PTPRJ: variants seen among roughly 807,000 people sequenced by gnomAD.
PTPRJ encodes receptor-type tyrosine-protein phosphatase eta.
A neutral mutation model predicts 141.3 loss-of-function variants in PTPRJ; 129 were observed. The ratio of observed to expected loss-of-function variants is 0.91; its 90% CI spans 0.79 to 1.06. The LOEUF is 1.06. Among genes scored for constraint, PTPRJ ranks in the 50% least tolerant of loss-of-function variants. PTPRJ has a pLI of 0.00. For synonymous variants in PTPRJ, 610 were observed against 640.5 expected (o/e 0.95, Z 0.72); for missense variants, 1,601 against 1,679.7 (o/e 0.95, Z 0.82).
chr11:48,061,547 T>C (rs1431622006), intron 1 of PTPRJ, among the ~76,000 whole-genome samples: 1 of 152,174 alleles, frequency 6.6e-6, no homozygotes, highest in Non-Finnish European at 1.5e-5. Flanking sequence ...TGATCTCTGT[T>C]CGGTGGATGA....
intron 1 of PTPRJ, among the ~76,000 whole-genome samples, chr11:48,035,690 G>C (rs1418591905): frequency 1.3e-5 from 2 of 151,868 alleles, no homozygotes; most frequent in Admixed American, 6.6e-5. Flanking sequence ...GGGCACCATT[G>C]TGTCATATTG....
intron 1 of PTPRJ, among the ~76,000 whole-genome samples, chr11:48,029,698 T>C (rs1426380055): frequency 6.6e-6 from 1 of 152,016 alleles, no homozygotes; most frequent in African/African-American, 2.4e-5. Flanking sequence ...TTTGTAATTA[T>C]AGTAAAAGCA....
At chr11:48,128,948 T>G in intron 7 of PTPRJ, among the ~76,000 whole-genome samples, 1 of 152,236 alleles carries the variant, frequency 6.6e-6, no homozygotes, top group East Asian at 1.9e-4. Context: ...TTTACTCTTT[T>G]ACTATTTATT....
chr11:47,990,078 A>G (rs1398195644), intron 1 of PTPRJ, among the ~76,000 whole-genome samples: 4 of 152,214 alleles, frequency 2.6e-5, no homozygotes, highest in Non-Finnish European at 5.9e-5. Context: ...CTGAAGAGTT[A>G]CATCAGAAGA....
intron 21 of PTPRJ, 138 bp downstream of exon 21, chr11:48,156,257 G>C: frequency 1.4e-6 from 1 of 716,326 alleles, no homozygotes; most frequent in Non-Finnish European, 2.2e-6. Flanking sequence ...CTTGTTTTCT[G>C]TCTTTTTTTC....
At position 48,121,041 on chromosome 11, in the gene PTPRJ, A is replaced by G. The variant is rs1207490200; in HGVS notation, c.391A>G (p.Ser131Gly). Reference sequence around the variant, plus strand: ...GTTTGACATTAAAGCTGTTTCCATCAGTCCAACCAATGTGATCTTAACTTG... The same window carrying G: ...GTTTGACATTAAAGCTGTTTCCATCGGTCCAACCAATGTGATCTTAACTTG... ...PVFDIKAVSISPTNVILTWKS... is the reference protein window; with the variant it reads ...PVFDIKAVSIGPTNVILTWKS... Residue 131 changes from serine to glycine, a missense_variant, in exon 4 of 25, where the codon AGT (serine) becomes GGT (glycine). By Grantham distance (56) the Ser-to-Gly change is moderately conservative. Transcript: ENST00000418331. The G allele has an allele frequency of 6.2e-7, 1 of 1,610,928 alleles. No individual in the cohort carries two copies. Among genetic ancestry groups the G allele is most frequent in the East Asian group, 2.2e-5 (1 of 44,726 alleles).
intron 1 of PTPRJ, among the ~76,000 whole-genome samples, chr11:47,994,053 G>T (rs1254578770): frequency 6.6e-6 from 1 of 151,654 alleles, no homozygotes; most frequent in Non-Finnish European, 1.5e-5. Flanking sequence ...TAGAGACGGG[G>T]TTTCACCATG....
At chr11:48,020,670 G>A (rs1354739267) in intron 1 of PTPRJ, among the ~76,000 whole-genome samples, 1 of 152,178 alleles carries the variant, frequency 6.6e-6, no homozygotes, top group Non-Finnish European at 1.5e-5. Context: ...CCTCTGAAGC[G>A]AAGCTGCCTG....
At chr11:47,989,356 T>TC (rs1453066734) in intron 1 of PTPRJ, among the ~76,000 whole-genome samples, 5 of 151,772 alleles carry the variant, frequency 3.3e-5, no homozygotes, top group Admixed American at 3.3e-4. Flanking sequence ...AACCTCCACC[T>TC]CCCAGGTTCA....
At chr11:48,141,938 GTT>G (rs77346697) in intron 11 of PTPRJ, among the ~76,000 whole-genome samples, 17 of 144,110 alleles carry the variant, frequency 1.2e-4, no homozygotes, top group African/African-American at 4.1e-4. Context: ...TCCCCAATGT[GTT>G]TTTTTTTTTT....
At position 48,158,220 on chromosome 11, in the gene PTPRJ, T is replaced by C. The variant is rs986090093; in HGVS notation, c.3439-1710T>C. On this transcript the variant is annotated intron_variant, in intron 21 of 24. Coordinates refer to ENST00000418331, the MANE Select transcript of PTPRJ (RefSeq NM_002843.4). This position sits in a 1 kb window ranked among gnomAD's most constrained non-coding sequence, Gnocchi z 4.4. ...TAATACTGTTGAGCCCAGGGCCTTA[T>C]ACATGAAACATTCTTATAAATCTAT... is the stretch of plus-strand genomic sequence containing the variant. 3.3e-5 allele frequency among the ~76,000 whole-genome samples: 5 copies of C among 152,224 alleles called. No individual in the cohort carries two copies. The highest frequency in any genetic ancestry group is 1.2e-4 in the African/African-American group (5 of 41,460).
intron 1 of PTPRJ, among the ~76,000 whole-genome samples, chr11:48,089,783 T>G (rs899600936): frequency 1.3e-5 from 2 of 152,110 alleles, no homozygotes; most frequent in African/African-American, 4.8e-5. Context: ...GGAAGGAATT[T>G]TTATGGAGGG....
At chr11:48,022,710 G>T (rs571763185) in intron 1 of PTPRJ, among the ~76,000 whole-genome samples, 7 of 152,082 alleles carry the variant, frequency 4.6e-5, no homozygotes, top group Non-Finnish European at 1.0e-4. Context: ...AGTGAAAGAG[G>T]CTTCTGGACC....
intron 3 of PTPRJ, among the ~76,000 whole-genome samples, chr11:48,117,173 A>C (rs1355852745): frequency 6.6e-6 from 1 of 152,218 alleles, no homozygotes; most frequent in Non-Finnish European, 1.5e-5. Context: ...ATGGAAACAC[A>C]ATATACTAAA....
At chr11:48,073,081 C>G (rs547381597) in intron 1 of PTPRJ, among the ~76,000 whole-genome samples, 1 of 152,198 alleles carries the variant, frequency 6.6e-6, no homozygotes, top group Admixed American at 6.5e-5. Flanking sequence ...TCAGAACAGT[C>G]TTACGATGGG....
chr11:48,148,719 G>T (rs577845073), intron 15 of PTPRJ, among the ~76,000 whole-genome samples: 1 of 152,266 alleles, frequency 6.6e-6, no homozygotes, highest in Admixed American at 6.5e-5. Flanking sequence ...ACAGGCATCA[G>T]CCACCGTGCC....
chr11:48,115,619 A>G (rs1204883288), intron 3 of PTPRJ, among the ~76,000 whole-genome samples: 1 of 152,270 alleles, frequency 6.6e-6, no homozygotes, highest in Non-Finnish European at 1.5e-5. Context: ...GGATAAGACT[A>G]GTAAAATAAA....
At chr11:48,029,727 G>GT (rs11322321) in intron 1 of PTPRJ, among the ~76,000 whole-genome samples, 19 of 151,888 alleles carry the variant, frequency 1.3e-4, no homozygotes, top group East Asian at 5.8e-4. Context: ...AGATTTATGG[G>GT]TTTTTTTTGA....
At chr11:48,143,117 C>T (rs1857274117) in intron 12 of PTPRJ, 67 bp downstream of exon 12, 1 of 1,579,766 alleles carries the variant, frequency 6.3e-7, no homozygotes, top group Admixed American at 1.7e-5. Context: ...TTCTCTGTGC[C>T]CACTGAGGCA....
Sources: gnomAD v4.1 joint callset for allele counts (sites outside exome capture counted in the v4.1 genomes callset) on GRCh38, gnomAD v4.1.1 for gene constraint, Gnocchi (gnomAD v3.1) non-coding constraint, MANE v1.5 for transcripts, NCBI Gene and HGNC (gene_info 2026-07-23, HGNC 2026-07-21) for gene names.